STARD13: variants seen among roughly 807,000 people sequenced by gnomAD.
STARD13 encodes the protein stAR-related lipid transfer protein 13.
A neutral mutation model predicts 106.4 loss-of-function variants in STARD13; 62 were observed. The ratio of observed to expected loss-of-function variants is 0.58; its 90% CI spans 0.48 to 0.72. STARD13 has a LOEUF of 0.72. STARD13 is among the 30% of genes least tolerant of loss of function. The pLI, the probability that STARD13 is intolerant of heterozygous loss-of-function variation, is 0.00. For missense variants in STARD13, 1,387 were observed against 1,424.0 expected (o/e 0.97, Z 0.42); for synonymous variants, 565 against 553.0 (o/e 1.02, Z -0.31).
the STARD13 span, among the ~76,000 whole-genome samples, chr13:33,668,821 G>T: frequency 1.3e-5 from 2 of 152,148 alleles, no homozygotes; most frequent in Non-Finnish European, 2.9e-5. Context: ...ATTGGTGTTT[G>T]CTCAGCTTCA....
At chr13:33,650,705 T>C in the STARD13 span, among the ~76,000 whole-genome samples, 2 of 152,238 alleles carry the variant, frequency 1.3e-5, no homozygotes, top group African/African-American at 4.8e-5. Context: ...AATTCATATG[T>C]TGGAACTTAA....
the STARD13 span, among the ~76,000 whole-genome samples, chr13:33,573,455 A>C: frequency 4.6e-5 from 7 of 152,300 alleles, no homozygotes; most frequent in East Asian, 1.4e-3. Flanking sequence ...ACTATGTAAC[A>C]ATATTATTAA....
chr13:33,649,980 T>C, the STARD13 span, among the ~76,000 whole-genome samples: 1 of 152,088 alleles, frequency 6.6e-6, no homozygotes, highest in Non-Finnish European at 1.5e-5. Flanking sequence ...GGAAATTTCA[T>C]ATTCCCTTTT....
the STARD13 span, among the ~76,000 whole-genome samples, chr13:33,539,450 T>A: frequency 1.3e-5 from 2 of 152,184 alleles, no homozygotes; most frequent in African/African-American, 4.8e-5. Context: ...ATGGCCAAAG[T>A]AATTTTGAGG....
At chr13:33,495,588 A>G in the STARD13 span, among the ~76,000 whole-genome samples, 3 of 151,974 alleles carry the variant, frequency 2.0e-5, no homozygotes, top group Non-Finnish European at 4.4e-5. Context: ...TCTAAACAGG[A>G]TGGAAATATT....
At chr13:33,644,095 C>T in the STARD13 span, among the ~76,000 whole-genome samples, 3 of 152,164 alleles carry the variant, frequency 2.0e-5, no homozygotes, top group African/African-American at 7.2e-5. Context: ...GGGAGCTGAA[C>T]CTGCACAGTT....
At chr13:33,110,238 C>T in intron 11 of STARD13, 148 bp from the exon 12 acceptor site, 1 of 657,352 alleles carries the variant, frequency 1.5e-6, no homozygotes. Context: ...TACTACATAC[C>T]TCAGCTGTAA....
At chr13:33,267,228 A>G (rs926750076) in intron 1 of STARD13, among the ~76,000 whole-genome samples, 2 of 152,198 alleles carry the variant, frequency 1.3e-5, no homozygotes, top group African/African-American at 4.8e-5. Flanking sequence ...AATTTGAAGG[A>G]AGACACATAA....
the STARD13 span, among the ~76,000 whole-genome samples, chr13:33,516,367 C>CTTACTT: frequency 6.6e-6 from 1 of 151,226 alleles, no homozygotes; most frequent in Non-Finnish European, 1.5e-5. Flanking sequence ...ACCTTAAGAA[C>CTTACTT]ACCGAGAACA....
chr13:33,603,206 T>G, the STARD13 span, among the ~76,000 whole-genome samples: 2 of 152,146 alleles, frequency 1.3e-5, no homozygotes, highest in Non-Finnish European at 2.9e-5. Flanking sequence ...TCTTACACAT[T>G]GTTGCATTTC....
chr13:33,625,140 T>G, the STARD13 span, among the ~76,000 whole-genome samples: 1 of 151,868 alleles, frequency 6.6e-6, no homozygotes, highest in Non-Finnish European at 1.5e-5. Context: ...CAAGAGTGAG[T>G]GGAGGAGGGG....
At chr13:33,217,433 C>T (rs1194851143) in intron 1 of STARD13, among the ~76,000 whole-genome samples, 1 of 152,178 alleles carries the variant, frequency 6.6e-6, no homozygotes, top group Non-Finnish European at 1.5e-5. Context: ...TCAAATATGT[C>T]TCTTGTCAGA....
the STARD13 span, among the ~76,000 whole-genome samples, chr13:33,469,557 G>C: frequency 1.7e-3 from 257 of 152,164 alleles, no homozygotes; most frequent in African/African-American, 6.0e-3. Context: ...ATATTTACCA[G>C]GTACTCCCAT....
chr13:33,357,408 T>C, the STARD13 span, among the ~76,000 whole-genome samples: 1 of 152,220 alleles, frequency 6.6e-6, no homozygotes, highest in African/African-American at 2.4e-5. Flanking sequence ...CAGTACTAAC[T>C]CCCACCTTGT....
At chr13:33,292,072 G>T (rs1014941862) in intron 1 of STARD13, among the ~76,000 whole-genome samples, 2 of 152,060 alleles carry the variant, frequency 1.3e-5, no homozygotes, top group Admixed American at 1.3e-4. Context: ...ACAACTAACT[G>T]AATTTGGGGG....
intron 11 of STARD13, 62 bp from the exon 12 acceptor site, chr13:33,110,152 G>A (rs1874322784): frequency 2.7e-6 from 4 of 1,502,546 alleles, no homozygotes; most frequent in Non-Finnish European, 1.8e-6. Context: ...AACATTTTTT[G>A]TTTGGGCTTT....
chr13:33,112,159 C>G (rs1173459426), intron 9 of STARD13, among the ~76,000 whole-genome samples: 4 of 152,152 alleles, frequency 2.6e-5, no homozygotes, highest in African/African-American at 9.7e-5. Context: ...GTTTGAAACC[C>G]CTTAACTGCA....
chr13:33,558,990 A>G, the STARD13 span, among the ~76,000 whole-genome samples: 17 of 151,756 alleles, frequency 1.1e-4, no homozygotes, highest in East Asian at 3.3e-3. Flanking sequence ...AAGTAAGAAT[A>G]GTTGACTTTT....
chr13:33,257,747 GTTA>G (rs1197084834), intron 1 of STARD13, among the ~76,000 whole-genome samples: 1 of 152,160 alleles, frequency 6.6e-6, no homozygotes, highest in East Asian at 1.9e-4. Context: ...AAGAAGGTTG[GTTA>G]TTATTATTTG....
Sources: allele counts gnomAD v4.1 joint callset (sites outside exome capture counted in the v4.1 genomes callset), GRCh38; gene constraint gnomAD v4.1.1; transcripts MANE v1.5; gene names NCBI Gene and HGNC (gene_info 2026-07-23, HGNC 2026-07-21).